The following MYO16 variants were observed in gnomAD, a reference collection of about 807,000 sequenced individuals.
MYO16 encodes the protein myosin XVI, also known as unconventional myosin-XVI.
Under a neutral mutation model 205.3 loss-of-function variants are expected in MYO16, and 94 were observed. The observed-to-expected ratio is 0.46, with a 90% confidence interval of 0.39 to 0.54. The LOEUF (loss-of-function observed/expected upper bound fraction) is 0.54. Ranked by LOEUF, MYO16 falls within the 20% of genes least tolerant of loss-of-function variation. MYO16 has a pLI of 0.00. For missense variants in MYO16, 2,315 were observed against 2,387.5 expected, an observed-to-expected ratio of 0.97 and a Z score of 0.63; for synonymous variants, 988 against 954.0, an observed-to-expected ratio of 1.04 and a Z score of -0.66.
intron 2 of MYO16, among the ~76,000 whole-genome samples, chr13:108,702,369 A>G (rs955407945): frequency 6.6e-6 from 1 of 152,234 alleles, no homozygotes; most frequent in African/African-American, 2.4e-5. Context: ...ATCAGAAACC[A>G]TGGAAGCCAA....
At chr13:108,869,746 A>AAG (rs1451733917) in intron 12 of MYO16, among the ~76,000 whole-genome samples, 8 of 147,042 alleles carry the variant, frequency 5.4e-5, no homozygotes, top group Admixed American at 2.0e-4. Context: ...AAAAAAAAAA[A>AAG]AAAAAAAAAA....
In MYO16 at chr13:109,143,910, G is replaced by A. The variant is rs149099588; in HGVS notation, c.5164+2534G>A. Among the ~76,000 whole-genome samples, 59 of 152,246 alleles carry A rather than the reference G, an allele frequency of 3.9e-4. No homozygotes were observed. The East Asian group carries it at 0.011, about 27-fold the overall frequency. ...GACAACTTTGGCCTTTGGCATAGTT[G>A]CTGTAGTAATAGAAAACTTAGCAAT... On this transcript the variant is annotated intron_variant, in intron 32 of 34. Transcript: ENST00000457511.
At chr13:109,146,282 A>AT (rs1159463724) in intron 32 of MYO16, among the ~76,000 whole-genome samples, 7 of 152,340 alleles carry the variant, frequency 4.6e-5, no homozygotes, top group Non-Finnish European at 1.0e-4. Context: ...AGAGTATTTT[A>AT]TAAACAATTT....
intron 31 of MYO16, among the ~76,000 whole-genome samples, chr13:109,128,928 C>T (rs149606631): frequency 0.018 from 2,733 of 151,934 alleles, 46 homozygotes; most frequent in Middle Eastern, 0.071. Flanking sequence ...CCTGCCACCA[C>T]GCCCAGCTAA....
chr13:109,052,209 T>C, intron 24 of MYO16, 91 bp from the exon 25 acceptor site: 1 of 1,096,978 alleles, frequency 9.1e-7, no homozygotes, highest in Non-Finnish European at 1.4e-6. Flanking sequence ...CCAGAATGTA[T>C]CAGTGGCTAG....
the MYO16 span, among the ~76,000 whole-genome samples, chr13:108,521,030 C>T: frequency 6.6e-6 from 1 of 152,142 alleles, no homozygotes; most frequent in African/African-American, 2.4e-5. Flanking sequence ...CTTTGCTCTT[C>T]TTCTGTCACT....
intron 20 of MYO16, among the ~76,000 whole-genome samples, chr13:108,979,233 T>G (rs1884374234): frequency 1.3e-5 from 2 of 151,986 alleles, no homozygotes; most frequent in African/African-American, 4.8e-5. Flanking sequence ...GAATTTTGAC[T>G]TTTTGGGTGA....
intron 2 of MYO16, among the ~76,000 whole-genome samples, chr13:108,703,640 C>T (rs1198209654): frequency 6.6e-6 from 1 of 152,080 alleles, no homozygotes; most frequent in Non-Finnish European, 1.5e-5. Flanking sequence ...CCAGGACAGA[C>T]CACATGCAAA....
chr13:108,633,277 T>C (rs2139360153), intron 1 of MYO16, among the ~76,000 whole-genome samples: 1 of 152,204 alleles, frequency 6.6e-6, no homozygotes, highest in East Asian at 1.9e-4. Context: ...AATCACAAGG[T>C]GAGGTCCCAC....
intron 23 of MYO16, among the ~76,000 whole-genome samples, chr13:109,027,247 C>T (rs1280455605): frequency 6.6e-6 from 1 of 152,178 alleles, no homozygotes; most frequent in Admixed American, 6.6e-5. Context: ...TGGCCCTGTC[C>T]CTCTGTGTGT....
the MYO16 span, among the ~76,000 whole-genome samples, chr13:108,527,609 A>G: frequency 4.6e-3 from 698 of 152,254 alleles, 6 homozygotes; most frequent in African/African-American, 0.016. Context: ...AGCTGCTCAA[A>G]ATTGTTTGGT....
intron 25 of MYO16, 78 bp downstream of exon 25, chr13:109,052,553 C>A: frequency 1.8e-6 from 2 of 1,121,924 alleles, no homozygotes; most frequent in Non-Finnish European, 2.5e-6. Context: ...TAAAAAAAAG[C>A]ACAATTTTAA....
At chr13:108,547,159 C>G in the MYO16 span, among the ~76,000 whole-genome samples, 6 of 151,632 alleles carry the variant, frequency 4.0e-5, no homozygotes, top group East Asian at 1.2e-3. Flanking sequence ...GTAGTCCCAG[C>G]TACTCGGGAG....
intron 31 of MYO16, among the ~76,000 whole-genome samples, chr13:109,133,057 G>C (rs1352548802): frequency 2.0e-5 from 3 of 152,310 alleles, no homozygotes; most frequent in Admixed American, 6.5e-5. Flanking sequence ...GGAAGGCAAT[G>C]GTATTGCCTG....
At chr13:109,013,719 G>A (rs965663349) in intron 22 of MYO16, among the ~76,000 whole-genome samples, 19 of 152,234 alleles carry the variant, frequency 1.2e-4, no homozygotes, top group Admixed American at 2.6e-4. Context: ...ATGACCAGTG[G>A]TGATGAGCAT....
At chr13:109,026,346 G>A (rs1886359773) in intron 23 of MYO16, among the ~76,000 whole-genome samples, 1 of 152,082 alleles carries the variant, frequency 6.6e-6, no homozygotes, top group Non-Finnish European at 1.5e-5. Flanking sequence ...AGATTTGAGA[G>A]AAAAGAAGGA....
chr13:109,009,239 T>G (rs916994055), intron 22 of MYO16, among the ~76,000 whole-genome samples, 190 bp downstream of exon 22: 10 of 152,198 alleles, frequency 6.6e-5, no homozygotes, highest in Non-Finnish European at 1.3e-4. Flanking sequence ...GATCACCAAT[T>G]CATTAAAAGG....
chr13:109,077,749 G>A (rs1466758791), intron 27 of MYO16, among the ~76,000 whole-genome samples: 1 of 152,152 alleles, frequency 6.6e-6, no homozygotes, highest in Non-Finnish European at 1.5e-5. Context: ...CTATGTTTGA[G>A]TAAGCACTTT....
At chr13:108,801,045 G>A (rs918437258) in intron 6 of MYO16, among the ~76,000 whole-genome samples, 1 of 152,130 alleles carries the variant, frequency 6.6e-6, no homozygotes, top group Non-Finnish European at 1.5e-5. Flanking sequence ...TAAAGAGTGA[G>A]CAAAATTAAG....
Sources: allele counts gnomAD v4.1 joint callset (sites outside exome capture counted in the v4.1 genomes callset), GRCh38; gene constraint gnomAD v4.1.1; transcripts MANE v1.5; gene names NCBI Gene and HGNC (gene_info 2026-07-23, HGNC 2026-07-21).